The following MYH13 variants were observed in gnomAD, a reference collection of about 807,000 sequenced individuals.
The protein encoded by MYH13 is myosin heavy chain 13.
Under a neutral mutation model 232.1 loss-of-function variants are expected in MYH13, and 177 were observed. The ratio of observed to expected loss-of-function variants is 0.76; its 90% CI spans 0.67 to 0.86. The LOEUF is 0.86. Among genes scored for constraint, MYH13 ranks in the 40% least tolerant of loss-of-function variants. The pLI, the probability that MYH13 is intolerant of heterozygous loss-of-function variation, is 0.00. For synonymous variants in MYH13, 884 were observed against 923.5 expected, an observed-to-expected ratio of 0.96 and a Z score of 0.78; for missense variants, 2,246 against 2,405.9, an observed-to-expected ratio of 0.93 and a Z score of 1.39.
chr17:10,367,800 T>G (rs2071848824), intron 2 of MYH13, among the ~76,000 whole-genome samples: 1 of 152,204 alleles, frequency 6.6e-6, no homozygotes. Flanking sequence ...ATGCCATTGC[T>G]GTATGTTTGG....
chr17:10,359,197 A>G (rs2071772184), intron 7 of MYH13, among the ~76,000 whole-genome samples: 1 of 152,146 alleles, frequency 6.6e-6, no homozygotes, highest in Admixed American at 6.5e-5. Flanking sequence ...GCTGCCAGGG[A>G]ACCAACCGCG....
intron 19 of MYH13, 141 bp from the exon 20 acceptor site, chr17:10,332,363 C>A: frequency 8.8e-7 from 1 of 1,141,678 alleles, no homozygotes; most frequent in South Asian, 1.5e-5. Context: ...ATGGGAATAG[C>A]TAGGGACTGA....
chr17:10,303,016 G>T (rs749012935), intron 39 of MYH13, among the ~76,000 whole-genome samples, 180 bp downstream of exon 39: 3 of 152,018 alleles, frequency 2.0e-5, no homozygotes, highest in Non-Finnish European at 2.9e-5. Context: ...GATGGTGAAG[G>T]TCGTGAAGGC....
chr17:10,318,814 G>A lies in MYH13; in HGVS notation c.3714C>T (p.Asn1238=), dbSNP rs138500879. The A allele has an allele frequency of 6.5e-4, 1,054 of 1,614,052 alleles. 6 individuals are homozygous for A. The East Asian group carries it at 0.013, about 19-fold the overall frequency. Residue 1238 remains asparagine, a synonymous_variant, in exon 27 of 41, where the codon AAC becomes AAT. Coordinates refer to ENST00000252172, the MANE Select transcript of MYH13 (RefSeq NM_003802.3). ...CCTTTGACTTGGAGAGAGCCTCGAT[G>A]TTGCTGGCCATGTCGTCAATCTCCA... is the stretch of plus-strand genomic sequence containing the variant. ...LKMEIDDMAS[N]IEALSKSKSN... is the part of the protein sequence containing the mutation.
rs368307090 is a variant in MYH13 at position 10,344,182 on chromosome 17, CCTT to C, written c.1585-76_1585-74del. Reference sequence around the variant, plus strand: ...TTCATGGTCTGGAGAAGCCAAAAAACCTTCTTTGGTGCTTTCACTCTGGTACCA... The same window carrying C: ...TTCATGGTCTGGAGAAGCCAAAAAACCTTTGGTGCTTTCACTCTGGTACCA... On this transcript the variant is annotated intron_variant, in intron 15 of 40. Coordinates refer to ENST00000252172, the MANE Select transcript of MYH13 (RefSeq NM_003802.3). 80 of 1,548,094 alleles carry C rather than the reference CCTT, an allele frequency of 5.2e-5. 1 individual carries two copies. In the East Asian group the frequency reaches 9.0e-4, roughly 17 times the overall value.
intron 21 of MYH13, among the ~76,000 whole-genome samples, chr17:10,328,350 G>C (rs1489108342): frequency 6.6e-6 from 1 of 152,132 alleles, no homozygotes; most frequent in East Asian, 1.9e-4. Context: ...AGCTACCTGC[G>C]GGCTCCTGGT....
chr17:10,316,931 G>A (rs1025525445), intron 27 of MYH13, among the ~76,000 whole-genome samples: 10 of 152,168 alleles, frequency 6.6e-5, no homozygotes, highest in Admixed American at 3.3e-4. Context: ...TTCCACGGGC[G>A]TCCTGGAGGA....
intron 18 of MYH13, among the ~76,000 whole-genome samples, chr17:10,334,557 G>A (rs951459263): frequency 6.6e-6 from 1 of 152,070 alleles, no homozygotes; most frequent in Admixed American, 6.6e-5. Context: ...AGAAAACATG[G>A]TTGAGAGCAA....
At chr17:10,320,832 G>A (rs572616680) in intron 24 of MYH13, among the ~76,000 whole-genome samples, 40 of 152,360 alleles carry the variant, frequency 2.6e-4, no homozygotes, top group African/African-American at 9.6e-4. Flanking sequence ...GGGGGCTTCT[G>A]TGGACAGCAC....
At chr17:10,327,296 C>T (rs528674464) in intron 22 of MYH13, among the ~76,000 whole-genome samples, 8 of 151,470 alleles carry the variant, frequency 5.3e-5, no homozygotes, top group African/African-American at 1.2e-4. Context: ...CCACCGCGCC[C>T]GGCCGCCTGC....
At chr17:10,320,070 G>A (rs1906876147) in intron 26 of MYH13, 83 bp downstream of exon 26, 3 of 1,025,332 alleles carry the variant, frequency 2.9e-6, no homozygotes, top group Admixed American at 2.4e-5. Context: ...GAAAGAAGCA[G>A]CTAAAGAAAC....
At chr17:10,336,660 T>TC (rs780648929) in intron 18 of MYH13, among the ~76,000 whole-genome samples, 5 of 152,160 alleles carry the variant, frequency 3.3e-5, no homozygotes, top group African/African-American at 4.8e-5. Flanking sequence ...GGCCAATACT[T>TC]CCCTGTCCTG....
At position 10,359,990 on chromosome 17, in the gene MYH13, C is replaced by T. The variant is rs756344769; in HGVS notation, c.615G>A (p.Lys205=). ...TTTTGCCTGGCTGTGTCTCCTTCTT[C>T]TTGTCCCCGGTAACTGCAATTGTTG... ...YFATIAVTGD[K]KKETQPGKMQ... is the part of the protein sequence containing the mutation. The change falls in exon 7 of 41, where the codon AAG becomes AAA. Residue 205 remains lysine, a synonymous_variant. Coordinates refer to ENST00000252172, the MANE Select transcript of MYH13 (RefSeq NM_003802.3). The T allele has an allele frequency of 6.2e-6, 10 of 1,614,060 alleles. No individual in the cohort carries two copies. The South Asian group carries it at 7.7e-5, about 12-fold the overall frequency.
chr17:10,350,218 G>C (rs2071698250), intron 12 of MYH13, among the ~76,000 whole-genome samples: 1 of 152,102 alleles, frequency 6.6e-6, no homozygotes, highest in Non-Finnish European at 1.5e-5. Flanking sequence ...ACTGCATTCT[G>C]GTGGAGAGAA....
At chr17:10,343,608 G>C (rs889137864) in intron 16 of MYH13, among the ~76,000 whole-genome samples, 192 bp downstream of exon 16, 7 of 152,294 alleles carry the variant, frequency 4.6e-5, no homozygotes, top group African/African-American at 1.4e-4. Flanking sequence ...GAGAGGTCCT[G>C]TTTACCTCCA....
Position 10,340,242 on chromosome 17 carries a change from G to T in MYH13, c.1969-5C>A, listed in dbSNP as rs776059506. The T allele has an allele frequency of 5.0e-6, 8 of 1,613,656 alleles. No homozygotes were observed. Among genetic ancestry groups the T allele is most frequent in the Non-Finnish European group, 5.9e-6 (7 of 1,179,772 alleles). ...CATCAATTTGTTTAAATTTTCCTGG[G>T]ACATAAACCAAAACAAGCACATTTA... On this transcript the variant is annotated splice_region_variant and splice_polypyrimidine_tract_variant and intron_variant, in intron 17 of 40. Transcript: ENST00000252172.
chr17:10,305,526 A>T (rs1906248427), intron 37 of MYH13, among the ~76,000 whole-genome samples: 1 of 152,068 alleles, frequency 6.6e-6, no homozygotes, highest in African/African-American at 2.4e-5. Flanking sequence ...TTGCATAAAG[A>T]ATGACAGTAT....
At chr17:10,343,678 G>A in intron 16 of MYH13, 122 bp downstream of exon 16, 2 of 1,164,566 alleles carry the variant, frequency 1.7e-6, no homozygotes, top group East Asian at 5.2e-5. Flanking sequence ...AAATGGAGCT[G>A]AAAGAGAAAC....
chr17:10,347,365 CA>C (rs563085495), intron 12 of MYH13, among the ~76,000 whole-genome samples: 17 of 147,420 alleles, frequency 1.2e-4, no homozygotes, highest in African/African-American at 3.2e-4. Context: ...GACTCCGACT[CA>C]AAAAAAAAAT....
Sources: allele counts gnomAD v4.1 joint callset (sites outside exome capture counted in the v4.1 genomes callset), GRCh38; gene constraint gnomAD v4.1.1; transcripts MANE v1.5; gene names NCBI Gene and HGNC (gene_info 2026-07-23, HGNC 2026-07-21).